The following KLHL31 variants were observed in gnomAD, a reference collection of about 807,000 sequenced individuals.
KLHL31 encodes the protein kelch-like protein 31.
In KLHL31, 32 loss-of-function variants were observed where a neutral mutation model predicts 47.1. The observed-to-expected ratio is 0.68, with a 90% CI of 0.51 to 0.91. KLHL31 has a LOEUF of 0.91. Ranked by LOEUF, KLHL31 falls within the 40% of genes least tolerant of loss-of-function variation. The probability of loss-of-function intolerance (pLI) is 0.00; values close to 1 mark genes in which losing one functional copy is unlikely to be tolerated. For missense variants in KLHL31, 797 were observed against 819.3 expected (o/e 0.97, Z 0.33); for synonymous variants, 330 against 325.1 (o/e 1.01, Z -0.16).
In KLHL31 at chr6:53,651,451, G is replaced by T; in HGVS notation, c.*147C>A. On this transcript the variant is annotated 3_prime_UTR_variant, in exon 3 of 3. Coordinates refer to ENST00000370905, the MANE Select transcript of KLHL31 (RefSeq NM_001003760.5). ...GATTATGCCATACCAGGAATTTAAA[G>T]CCATCAGGACATGTGCCTCGACATA... is the stretch of plus-strand genomic sequence containing the variant. The T allele has an allele frequency of 5.6e-6, 2 of 357,236 alleles. No individual in the cohort carries two copies. Among genetic ancestry groups the T allele is most frequent in the Admixed American group, 5.2e-5 (1 of 19,326 alleles). 22.1% of individuals were successfully genotyped at this position (357,236 alleles called of 1,614,324 possible).
chr6:53,656,715 C>T (rs1348290953), intron 1 of KLHL31, among the ~76,000 whole-genome samples: 10 of 152,036 alleles, frequency 6.6e-5, no homozygotes. Flanking sequence ...AACATACACA[C>T]ATACACAAAC....
chr6:53,661,525 A>T (rs1388162185), intron 1 of KLHL31, among the ~76,000 whole-genome samples: 1 of 152,210 alleles, frequency 6.6e-6, no homozygotes, highest in African/African-American at 2.4e-5. Flanking sequence ...CCAGCAAAGT[A>T]ATATATATGT....
At chr6:53,660,425 T>C (rs555307878) in intron 1 of KLHL31, among the ~76,000 whole-genome samples, 115 of 152,300 alleles carry the variant, frequency 7.6e-4, no homozygotes, top group African/African-American at 2.6e-3. Flanking sequence ...AGAAGGCTTT[T>C]AAAGCCTGTG....
In KLHL31 at chr6:53,655,312, AG is replaced by A. The variant is rs759891671; in HGVS notation, c.-33-8del. ...TGTTACAGGCAAGAGCTTGCTAAAA[AG>A]AGAAAAAAAAAAACATGGTTTTGTT... On this transcript the variant is annotated splice_region_variant and splice_polypyrimidine_tract_variant and intron_variant, in intron 1 of 2. Coordinates refer to ENST00000370905, the MANE Select transcript of KLHL31 (RefSeq NM_001003760.5). 3.0e-6 allele frequency: 4 copies of A among 1,340,050 alleles called. No homozygotes were observed. The highest frequency in any genetic ancestry group is 1.6e-5 in the South Asian group (1 of 62,654). 83.0% of individuals were successfully genotyped at this position (1,340,050 alleles called of 1,614,324 possible). A position where few individuals can be genotyped will look rare whatever the true frequency, so the allele number is the denominator to read the frequency against.
At chr6:53,661,267 C>T (rs1285871966) in intron 1 of KLHL31, among the ~76,000 whole-genome samples, 2 of 152,146 alleles carry the variant, frequency 1.3e-5, no homozygotes, top group Non-Finnish European at 2.9e-5. Flanking sequence ...AGACTAGCTC[C>T]CTCTTTATGG....
chr6:53,652,642 A>T (rs904947206), intron 2 of KLHL31, among the ~76,000 whole-genome samples: 2 of 152,100 alleles, frequency 1.3e-5, no homozygotes, highest in African/African-American at 2.4e-5. Flanking sequence ...CCTTTCCTCC[A>T]TATTCAAATA....
In KLHL31 at chr6:53,654,621, C is replaced by A. The variant is rs1222136408; in HGVS notation, c.652G>T (p.Glu218Ter). 3 of 1,614,130 alleles carry A rather than the reference C, an allele frequency of 1.9e-6. No homozygotes were observed. Among genetic ancestry groups the A allele is most frequent in the Non-Finnish European group, 2.5e-6 (3 of 1,180,022 alleles). The change falls in exon 2 of 3, where the codon GAA becomes TAA. Residue 218 changes from glutamate (E) to a stop codon, truncating the protein, a stop_gained. Transcript: ENST00000370905. LOFTEE classifies it high-confidence loss of function. ...TGTAAGTCATCATCTATAAGAAGTTCATTAATTTGTTCAAATGTAAGTTTC... is the reference window on the plus strand; with the variant it reads ...TGTAAGTCATCATCTATAAGAAGTTAATTAATTTGTTCAAATGTAAGTTTC... ...FMKLTFEQINELLIDDDLQLP... is the reference protein window; with the variant it reads ...FMKLTFEQIN
In KLHL31 at chr6:53,651,612, G is replaced by T; in HGVS notation, c.1891C>A (p.Pro631Thr). The change falls in exon 3 of 3, where the codon CCA becomes ACA. Residue 631 changes from proline to threonine, a missense_variant. Coordinates refer to ENST00000370905, the MANE Select transcript of KLHL31 (RefSeq NM_001003760.5). The part of the protein sequence containing the change: ...ESRASSVSSV[P>T]VSI The stretch of plus-strand genomic sequence containing the variant: ...TCTACCTGGGCTCAGATACTGACTG[G>T]CACAGAAGATACCGAACTGGCCCGG... 6.2e-7 allele frequency: 1 copy of T among 1,613,454 alleles called. No individual in the cohort carries two copies. Among genetic ancestry groups the T allele is most frequent in the Non-Finnish European group, 8.5e-7 (1 of 1,179,644 alleles).
In KLHL31 at chr6:53,651,421, A is replaced by AAATT; in HGVS notation, c.*176_*177insAATT. On this transcript the variant is annotated 3_prime_UTR_variant, in exon 3 of 3. Transcript: ENST00000370905. ...TGCTAAAAAAAAAAAAAAAAAAAAG[A>AAATT]GGTAGATTATGCCATACCAGGAATT... 1 of 364,532 alleles carries AAATT rather than the reference A, an allele frequency of 2.7e-6. No individual in the cohort carries two copies. The highest frequency in any genetic ancestry group is 4.9e-6 in the Non-Finnish European group (1 of 202,106). 22.6% of individuals were successfully genotyped at this position (364,532 alleles called of 1,614,324 possible).
chr6:53,654,535 C>T lies in KLHL31; in HGVS notation c.738G>A (p.Lys246=). The change falls in exon 2 of 3, where the codon AAG becomes AAA. Residue 246 remains lysine (K), a synonymous_variant. Coordinates refer to ENST00000370905, the MANE Select transcript of KLHL31 (RefSeq NM_001003760.5). Reference sequence around the variant, plus strand: ...AAAGATCTGCAGCGTATTTTACTCTCTTTTGGTCAAATTCTAACCATTTCA... The same window carrying T: ...AAAGATCTGCAGCGTATTTTACTCTTTTTTGGTCAAATTCTAACCATTTCA... ...IAMKWLEFDQ[K]RVKYAADLLS... 1 of 1,614,220 alleles carries T rather than the reference C, an allele frequency of 6.2e-7. No individual in the cohort carries two copies. Among genetic ancestry groups the T allele is most frequent in the Non-Finnish European group, 8.5e-7 (1 of 1,180,032 alleles).
In KLHL31 at chr6:53,654,091, G is replaced by A; in HGVS notation, c.1172+10C>T. The A allele has an allele frequency of 6.3e-7, 1 of 1,580,662 alleles. No individual in the cohort carries two copies. On this transcript the variant is annotated intron_variant, in intron 2 of 2. Coordinates refer to ENST00000370905, the MANE Select transcript of KLHL31 (RefSeq NM_001003760.5). ...TGAGCCATTTCAGTTCCTAATAAAA[G>A]ATCAAGTACCTGCAGAAATTGCTGA...
chr6:53,662,645 G>A (rs1764663891), intron 1 of KLHL31, among the ~76,000 whole-genome samples: 1 of 152,190 alleles, frequency 6.6e-6, no homozygotes, highest in Admixed American at 6.5e-5. Context: ...CCCTGGAAGA[G>A]CTGCCCATTA....
At chr6:53,652,537 C>T in intron 2 of KLHL31, 2 of 615,028 alleles carry the variant, frequency 3.3e-6, no homozygotes, top group Admixed American at 3.0e-5. Context: ...ATTGACCACC[C>T]CTCGCCCCCG....
chr6:53,657,329 A>G (rs1397192062), intron 1 of KLHL31, among the ~76,000 whole-genome samples: 1 of 152,146 alleles, frequency 6.6e-6, no homozygotes, highest in African/African-American at 2.4e-5. Context: ...AATTTCTGAA[A>G]ATTCATCAAT....
Position 53,651,553 on chromosome 6 carries a change from C to G in KLHL31, c.*45G>C. ...CTCAGAGGTTAACCACGTGGCTCTACGAATAAATAACGTGTTCTTCCTGCG... is the reference window on the plus strand; with the variant it reads ...CTCAGAGGTTAACCACGTGGCTCTAGGAATAAATAACGTGTTCTTCCTGCG... On this transcript the variant is annotated 3_prime_UTR_variant, in exon 3 of 3. Transcript: ENST00000370905. The G allele has an allele frequency of 6.4e-7, 1 of 1,571,100 alleles. No individual in the cohort carries two copies. Among genetic ancestry groups the G allele is most frequent in the Non-Finnish European group, 8.6e-7 (1 of 1,156,582 alleles).
intron 1 of KLHL31, among the ~76,000 whole-genome samples, chr6:53,664,084 A>T (rs1052087399): frequency 6.6e-6 from 1 of 152,194 alleles, no homozygotes; most frequent in Non-Finnish European, 1.5e-5. Context: ...TCATTATCAG[A>T]TAGGGATGAA....
rs1408068864 is a variant in KLHL31, at chr6:53,648,312, G to C, written c.*3286C>G. On this transcript the variant is annotated 3_prime_UTR_variant, in exon 3 of 3. Coordinates refer to ENST00000370905, the MANE Select transcript of KLHL31 (RefSeq NM_001003760.5). ...TGGAGAACATATTCATCAGCGGCTG[G>C]AATAGGGATGTAGTTCATTCAGAGA... The C allele has an allele frequency of 6.6e-6, 1 of 152,152 alleles. No homozygotes were observed. The highest frequency in any genetic ancestry group is 1.5e-5 in the Non-Finnish European group (1 of 68,008). The allele number at this position is 152,152 out of a possible 1,614,324, so 9.4% of individuals were successfully genotyped here. A position where few individuals can be genotyped will look rare whatever the true frequency, so the allele number is the denominator to read the frequency against.
At chr6:53,656,950 T>TTTTTTG (rs1764569606) in intron 1 of KLHL31, among the ~76,000 whole-genome samples, 1 of 148,614 alleles carries the variant, frequency 6.7e-6, no homozygotes. Context: ...TTTTTTTTTT[T>TTTTTTG]GAGATCGGGT....
chr6:53,655,600 TC>T (rs1307861604), intron 1 of KLHL31, among the ~76,000 whole-genome samples: 31 of 104,494 alleles, frequency 3.0e-4, no homozygotes, highest in Middle Eastern at 0.016. Flanking sequence ...CTTTCTTTTT[TC>T]TTTTTTTCTT....
Sources: allele counts gnomAD v4.1 joint callset (sites outside exome capture counted in the v4.1 genomes callset), GRCh38; gene constraint gnomAD v4.1.1; transcripts MANE v1.5; gene names NCBI Gene and HGNC (gene_info 2026-07-23, HGNC 2026-07-21).